The following PCDH9 variants were observed in gnomAD, a reference collection of about 807,000 sequenced individuals.
PCDH9 encodes the protein protocadherin-9.
PCDH9 carries 24 observed loss-of-function variants against 70.6 expected under a neutral mutation model. The ratio of observed to expected loss-of-function variants is 0.34; its 90% CI spans 0.25 to 0.48. The LOEUF (loss-of-function observed/expected upper bound fraction) is 0.48. PCDH9 is among the 20% of genes least tolerant of loss of function. The pLI is 0.99. For synonymous variants in PCDH9, 562 were observed against 558.5 expected (o/e 1.01, Z -0.09); for missense variants, 1,281 against 1,503.6 (o/e 0.85, Z 2.45).
intron 4 of PCDH9, among the ~76,000 whole-genome samples, chr13:66,312,269 A>T (rs1230034831): frequency 6.6e-6 from 1 of 152,198 alleles, no homozygotes; most frequent in African/African-American, 2.4e-5. Context: ...TCATCGATAC[A>T]ACATGAGAAT....
intron 2 of PCDH9, among the ~76,000 whole-genome samples, chr13:67,095,990 A>T (rs1344653087): frequency 6.6e-6 from 1 of 152,222 alleles, no homozygotes; most frequent in African/African-American, 2.4e-5. Context: ...AACTTGTAAA[A>T]TTATACACAT....
chr13:66,446,359 T>C (rs994873002), intron 4 of PCDH9, among the ~76,000 whole-genome samples: 7 of 152,060 alleles, frequency 4.6e-5, no homozygotes, highest in South Asian at 4.1e-4. Context: ...GATATTATGA[T>C]ATAAATTAAA....
intron 2 of PCDH9, chr13:66,914,590 T>C (rs910002027): frequency 3.3e-5 from 5 of 151,846 alleles, no homozygotes; most frequent in African/African-American, 1.2e-4. Flanking sequence ...CATTTCATTT[T>C]TGGAGAAGAA....
chr13:66,494,781 A>G (rs1959087283), intron 4 of PCDH9, among the ~76,000 whole-genome samples: 1 of 152,176 alleles, frequency 6.6e-6, no homozygotes, highest in South Asian at 2.1e-4. Context: ...AATTGTTTTT[A>G]ATGAGTTGGG....
At chr13:66,714,867 T>G (rs1379635074) in intron 3 of PCDH9, among the ~76,000 whole-genome samples, 1 of 152,148 alleles carries the variant, frequency 6.6e-6, no homozygotes, top group Non-Finnish European at 1.5e-5. Context: ...TCATTTTAAT[T>G]CTAATAACTC....
intron 4 of PCDH9, among the ~76,000 whole-genome samples, chr13:66,317,165 C>T (rs1955668498): frequency 6.6e-6 from 1 of 152,060 alleles, no homozygotes; most frequent in African/African-American, 2.4e-5. Context: ...AGCTATGAAA[C>T]AACATCTCTT....
intron 3 of PCDH9, among the ~76,000 whole-genome samples, chr13:66,729,387 C>T (rs1485886505): frequency 6.6e-6 from 1 of 152,100 alleles, no homozygotes; most frequent in East Asian, 1.9e-4. Flanking sequence ...TAGTCATGTG[C>T]ATCTATACTA....
intron 3 of PCDH9, among the ~76,000 whole-genome samples, chr13:66,673,574 G>A (rs1359858199): frequency 6.6e-6 from 1 of 152,100 alleles, no homozygotes; most frequent in East Asian, 1.9e-4. Flanking sequence ...CCAGAAGCTG[G>A]CACATAGGCA....
intron 3 of PCDH9, among the ~76,000 whole-genome samples, chr13:66,832,282 T>G (rs1429374062): frequency 3.9e-5 from 6 of 152,122 alleles, no homozygotes; most frequent in African/African-American, 1.2e-4. Context: ...TTTACTCTAT[T>G]TAAATGTGAT....
intron 4 of PCDH9, among the ~76,000 whole-genome samples, chr13:66,486,828 T>C (rs906465651): frequency 2.6e-5 from 4 of 152,302 alleles, no homozygotes; most frequent in Non-Finnish European, 5.9e-5. Context: ...GTCTATTATA[T>C]GAGACAGGTA....
intron 4 of PCDH9, among the ~76,000 whole-genome samples, chr13:66,436,036 C>G (rs1264756217): frequency 6.6e-6 from 1 of 151,980 alleles, no homozygotes; most frequent in Non-Finnish European, 1.5e-5. Context: ...AAAAAGTCAC[C>G]TAGTAATCAT....
At chr13:66,461,049 T>A (rs571625579) in intron 4 of PCDH9, among the ~76,000 whole-genome samples, 5 of 151,998 alleles carry the variant, frequency 3.3e-5, no homozygotes, top group Admixed American at 3.3e-4. Flanking sequence ...GGCAACAATT[T>A]AGACTGTCCA....
chr13:66,676,696 T>C lies in PCDH9; in HGVS notation c.3139-45285A>G, dbSNP rs569966192. ...GGATTCATGAAACATAATTATTATC[T>C]ATCTATTGACCAATCTCATATCCAA... On this transcript the variant is annotated intron_variant, in intron 3 of 4. Transcript: ENST00000377865. Among the ~76,000 whole-genome samples the C allele has an allele frequency of 2.6e-4, 39 of 152,228 alleles. No individual in the cohort carries two copies. The South Asian group carries it at 7.2e-3, about 28-fold the overall frequency.
chr13:67,133,485 T>C (rs1433167177), intron 2 of PCDH9, among the ~76,000 whole-genome samples: 1 of 152,112 alleles, frequency 6.6e-6, no homozygotes, highest in Non-Finnish European at 1.5e-5. Flanking sequence ...AAAAGTTGGA[T>C]TACATAATAT....
intron 2 of PCDH9, among the ~76,000 whole-genome samples, chr13:67,010,438 G>A (rs547644581): frequency 9.2e-5 from 14 of 151,842 alleles, no homozygotes; most frequent in Non-Finnish European, 2.1e-4. Flanking sequence ...AGCCTGTTAG[G>A]CAGGAAGCTA....
At chr13:66,857,903 C>T (rs1423367509) in intron 3 of PCDH9, among the ~76,000 whole-genome samples, 3 of 152,092 alleles carry the variant, frequency 2.0e-5, no homozygotes, top group African/African-American at 7.2e-5. Flanking sequence ...ATCCCCAAAG[C>T]CTCAAAGCCA....
At chr13:66,650,649 C>T (rs1307203147) in intron 3 of PCDH9, among the ~76,000 whole-genome samples, 1 of 151,596 alleles carries the variant, frequency 6.6e-6, no homozygotes, top group Non-Finnish European at 1.5e-5. Context: ...ACCCTATAGA[C>T]CAATTGAACT....
chr13:66,753,910 A>T (rs776176741), intron 3 of PCDH9, among the ~76,000 whole-genome samples: 14 of 152,232 alleles, frequency 9.2e-5, no homozygotes, highest in Non-Finnish European at 2.1e-4. Flanking sequence ...TTGTTGTAAT[A>T]ACATTAATAC....
intron 3 of PCDH9, among the ~76,000 whole-genome samples, chr13:66,843,538 A>G (rs2081152092): frequency 6.6e-6 from 1 of 152,218 alleles, no homozygotes; most frequent in Non-Finnish European, 1.5e-5. Context: ...GCTCCGGACA[A>G]ACGTCTTCAC....
Sources: allele counts gnomAD v4.1 joint callset (sites outside exome capture counted in the v4.1 genomes callset), GRCh38; gene constraint gnomAD v4.1.1; transcripts MANE v1.5; gene names NCBI Gene and HGNC (gene_info 2026-07-23, HGNC 2026-07-21).